TPRG1: variants seen among roughly 807,000 people sequenced by gnomAD.
TPRG1 encodes the protein tumor protein p63-regulated gene 1 protein.
In TPRG1, 29 loss-of-function variants were observed where a neutral mutation model predicts 29.3. The observed-to-expected ratio is 0.99, with a 90% CI of 0.74 to 1.35. The LOEUF (loss-of-function observed/expected upper bound fraction) is 1.35, where lower values mean the gene tolerates loss of function less well. Ranked by LOEUF, TPRG1 falls within the 40% of genes most tolerant of loss-of-function variation. The pLI is 0.00. For missense variants in TPRG1, 327 were observed against 335.0 expected, an observed-to-expected ratio of 0.98 and a Z score of 0.19; for synonymous variants, 130 against 116.8, an observed-to-expected ratio of 1.11 and a Z score of -0.73.
chr3:189,022,051 C>T lies in TPRG1; in HGVS notation c.-659-1699C>T, dbSNP rs368722704. ...GCTCCTGAGGCTTCTGCATTCTTCA[C>T]GTAGTTCTCGAGCCTTGGTTTTCAG... On this transcript the variant is annotated intron_variant, in intron 3 of 10. Transcript: ENST00000433971. Among the ~76,000 whole-genome samples, 1,259 of 152,008 alleles carry T rather than the reference C, an allele frequency of 8.3e-3. 36 individuals carry two copies. In the East Asian group the frequency reaches 0.091, roughly 11 times the overall value.
chr3:189,226,513 C>T lies in TPRG1; in HGVS notation c.302+11130C>T, dbSNP rs78939957. Among the ~76,000 whole-genome samples, 830 of 151,754 alleles carry T rather than the reference C, an allele frequency of 5.5e-3. 4 individuals are homozygous for T. Among genetic ancestry groups the T allele is most frequent in the African/African-American group, 0.018 (728 of 41,392 alleles). On this transcript the variant is annotated intron_variant, in intron 3 of 5. Coordinates refer to ENST00000345063, the MANE Select transcript of TPRG1 (RefSeq NM_198485.4). ...ACTTATCAAAATGTGTGGGACGCAG[C>T]GAAAACAGTGCTGAAAGTGGAATTT...
intron 3 of TPRG1, among the ~76,000 whole-genome samples, chr3:189,015,185 G>A (rs575639149): frequency 2.6e-5 from 4 of 152,276 alleles, no homozygotes; most frequent in South Asian, 4.1e-4. Context: ...TAAGCTTTAG[G>A]AAAAGACTGG....
At chr3:189,118,825 G>A (rs562181398) in intron 1 of TPRG1, among the ~76,000 whole-genome samples, 2 of 152,330 alleles carry the variant, frequency 1.3e-5, no homozygotes, top group South Asian at 4.1e-4. Context: ...TGGATGTCTA[G>A]GCAGAAGTCT....
At chr3:189,074,509 T>C (rs2152159211) in intron 4 of TPRG1, among the ~76,000 whole-genome samples, 1 of 152,158 alleles carries the variant, frequency 6.6e-6, no homozygotes, top group African/African-American at 2.4e-5. Context: ...CGGCCCAGAA[T>C]TGTTTTCTTT....
chr3:189,296,707 A>G (rs895193703), intron 4 of TPRG1, among the ~76,000 whole-genome samples: 2 of 152,220 alleles, frequency 1.3e-5, no homozygotes, highest in Non-Finnish European at 2.9e-5. Flanking sequence ...CCTTGTCAAA[A>G]GAGGAGTGGT....
At chr3:189,109,313 G>C (rs1720211542) in intron 1 of TPRG1, among the ~76,000 whole-genome samples, 1 of 152,218 alleles carries the variant, frequency 6.6e-6, no homozygotes, top group Admixed American at 6.5e-5. Context: ...GTGGTGCGGT[G>C]TTAATTGACA....
chr3:189,251,889 T>C (rs1349128618), intron 4 of TPRG1, among the ~76,000 whole-genome samples: 1 of 152,116 alleles, frequency 6.6e-6, no homozygotes, highest in African/African-American at 2.4e-5. Context: ...TGCCTTCCTC[T>C]TATACTAATC....
At chr3:189,049,232 C>T (rs1421902870) in intron 4 of TPRG1, among the ~76,000 whole-genome samples, 1 of 152,194 alleles carries the variant, frequency 6.6e-6, no homozygotes, top group African/African-American at 2.4e-5. Flanking sequence ...AGCTGGGAGG[C>T]AGATAGCCTC....
At chr3:189,106,933 C>T (rs60440185) in intron 1 of TPRG1, among the ~76,000 whole-genome samples, 9,067 of 152,006 alleles carry the variant, frequency 0.06, 876 homozygotes, top group African/African-American at 0.2. Context: ...GACTAGTGTT[C>T]TCTCCTTTAG....
At position 189,082,616 on chromosome 3, in the gene TPRG1, G is replaced by T. The variant is rs534962574; in HGVS notation, c.-462-44441G>T. Among the ~76,000 whole-genome samples, 5 of 152,266 alleles carry T rather than the reference G, an allele frequency of 3.3e-5. No homozygotes were observed. In the East Asian group the frequency reaches 9.7e-4, roughly 29 times the overall value. ...TGACATCTTACACTTGAGCAACCGA[G>T]ACAGGTACTCTCAGGTGTCCTGCCA... On this transcript the variant is annotated intron_variant, in intron 4 of 10. Transcript: ENST00000433971.
chr3:189,257,146 T>A (rs1712045635), intron 4 of TPRG1, among the ~76,000 whole-genome samples: 1 of 152,328 alleles, frequency 6.6e-6, no homozygotes, highest in South Asian at 2.1e-4. Context: ...CTGCTACCAG[T>A]TTTTCCTTTC....
At chr3:189,003,361 A>C (rs1712125594) in intron 2 of TPRG1, among the ~76,000 whole-genome samples, 1 of 152,156 alleles carries the variant, frequency 6.6e-6, no homozygotes, top group Non-Finnish European at 1.5e-5. Flanking sequence ...GCTCTGTGTC[A>C]CTGTCTCCTT....
rs2108507929 is a variant in TPRG1 at position 189,321,996 on chromosome 3, T to C, written c.*1176T>C. 6.6e-6 allele frequency: 1 copy of C among 152,228 alleles called. No individual in the cohort carries two copies. The highest frequency in any genetic ancestry group is 2.1e-4 in the South Asian group (1 of 4,830). The allele number at this position is 152,228 out of a possible 1,614,324, so 9.4% of individuals were successfully genotyped here. ...TGTCTCTTCCCGACTTAGATCTAAT[T>C]TTCAACAACCCAGGAAATTATCTCA... On this transcript the variant is annotated 3_prime_UTR_variant, in exon 6 of 6. Transcript: ENST00000345063.
At chr3:189,002,967 A>G (rs1402272585) in intron 2 of TPRG1, among the ~76,000 whole-genome samples, 1 of 152,206 alleles carries the variant, frequency 6.6e-6, no homozygotes, top group Non-Finnish European at 1.5e-5. Context: ...CCTAGCTTAT[A>G]TATAGTAAGA....
chr3:189,163,025 A>G (rs1425772178), intron 5 of TPRG1, among the ~76,000 whole-genome samples: 1 of 152,218 alleles, frequency 6.6e-6, no homozygotes, highest in Non-Finnish European at 1.5e-5. Context: ...TAATCCCAGT[A>G]CTTTAGGAGG....
chr3:189,209,895 A>T (rs140152859), intron 2 of TPRG1, among the ~76,000 whole-genome samples: 3 of 152,326 alleles, frequency 2.0e-5, no homozygotes, highest in African/African-American at 7.2e-5. Context: ...CAAGATACTC[A>T]GTGTTTGCCC....
Position 189,087,841 on chromosome 3 carries a change from GCTCTGTTCTGTTCCATTGGTCTATAT to G in TPRG1, c.-462-39208_-462-39183del, listed in dbSNP as rs376502404. Among the ~76,000 whole-genome samples, 30 of 152,150 alleles carry G rather than the reference GCTCTGTTCTGTTCCATTGGTCTATAT, an allele frequency of 2.0e-4. No homozygotes were observed. In the East Asian group the frequency reaches 3.5e-3, roughly 18 times the overall value. ...TAGATGTGTGGTATTATTTCTGAGG[GCTCTGTTCTGTTCCATTGGTCTATAT>G]CTCTGTTTTGGTATTGGTACCATGC... On this transcript the variant is annotated intron_variant, in intron 4 of 10. Transcript: ENST00000433971.
intron 3 of TPRG1, chr3:189,218,143 C>T (rs1401208063): frequency 2.7e-6 from 2 of 739,542 alleles, no homozygotes; most frequent in Non-Finnish European, 3.3e-6. Flanking sequence ...GACGGAGTCT[C>T]GCTCTGTCAC....
Position 189,085,499 on chromosome 3 carries a change from G to A in TPRG1, c.-462-41558G>A, listed in dbSNP as rs144715862. Among the ~76,000 whole-genome samples the A allele has an allele frequency of 5.3e-5, 8 of 151,966 alleles. No homozygotes were observed. In the East Asian group the frequency reaches 1.5e-3, roughly 29 times the overall value. On this transcript the variant is annotated intron_variant, in intron 4 of 10. Transcript: ENST00000433971. ...TATTATGGAGTTCCAGTAGCTGAAT[G>A]TTGCAGCTAGACCAATGTTTGCTTC...
Sources: gnomAD v4.1 joint callset for allele counts (sites outside exome capture counted in the v4.1 genomes callset) on GRCh38, gnomAD v4.1.1 for gene constraint, MANE v1.5 for transcripts, NCBI Gene and HGNC (gene_info 2026-07-23, HGNC 2026-07-21) for gene names.